Variants in FLYWCH1 observed in about 807,000 individuals in gnomAD.
The protein encoded by FLYWCH1 is FLYWCH-type zinc finger-containing protein 1.
A neutral mutation model predicts 66.4 loss-of-function variants in FLYWCH1; 75 were observed. The ratio of observed to expected loss-of-function variants is 1.13; its 90% CI spans 0.94 to 1.37. The LOEUF (loss-of-function observed/expected upper bound fraction) is 1.37, where lower values mean the gene tolerates loss of function less well. Ranked by LOEUF, FLYWCH1 falls within the 40% of genes most tolerant of loss-of-function variation. The probability of loss-of-function intolerance (pLI) is 0.00; values close to 1 mark genes in which losing one functional copy is unlikely to be tolerated. For synonymous variants in FLYWCH1, 595 were observed against 429.9 expected, an observed-to-expected ratio of 1.38 and a Z score of -4.75; for missense variants, 1,334 against 1,001.8, an observed-to-expected ratio of 1.33 and a Z score of -4.48.
At position 2,938,237 on chromosome 16, in the gene FLYWCH1, G is replaced by A. The variant is rs2071101246; in HGVS notation, c.1831G>A (p.Val611Met). 6.2e-7 allele frequency: 1 copy of A among 1,613,186 alleles called. No homozygotes were observed. The highest frequency in any genetic ancestry group is 8.5e-7 in the Non-Finnish European group (1 of 1,179,650). The change falls in exon 8 of 10, where the codon GTG becomes ATG. Residue 611 changes from valine to methionine, a missense_variant. Coordinates refer to ENST00000253928, the MANE Select transcript of FLYWCH1 (RefSeq NM_001308068.2). ...LRTSLGGRFL[V>M]HESFLYRKEK... Reference sequence around the variant, plus strand: ...GACTTCCCTGGGGGGCAGGTTCCTGGTGCACGAGTCCTTCCTCTACAGGAA... The same window carrying A: ...GACTTCCCTGGGGGGCAGGTTCCTGATGCACGAGTCCTTCCTCTACAGGAA...
chr16:2,931,955 A>G (rs1023576997), intron 4 of FLYWCH1, among the ~76,000 whole-genome samples: 1 of 152,050 alleles, frequency 6.6e-6, no homozygotes, highest in African/African-American at 2.4e-5. Context: ...CTACTAAAAA[A>G]ATACAAAAAA....
At chr16:2,934,184 C>G (rs924726834) in intron 6 of FLYWCH1, among the ~76,000 whole-genome samples, 1 of 152,166 alleles carries the variant, frequency 6.6e-6, no homozygotes, top group African/African-American at 2.4e-5. Context: ...TCAGCCCAGC[C>G]TCCCCCTTCC....
chr16:2,931,448 A>AC (rs1163283563), intron 4 of FLYWCH1, among the ~76,000 whole-genome samples: 2 of 151,618 alleles, frequency 1.3e-5, no homozygotes, highest in African/African-American at 4.9e-5. Context: ...ATATAGTGAG[A>AC]CCCCATATCT....
chr16:2,920,147 A>G (rs2070318814), intron 2 of FLYWCH1, among the ~76,000 whole-genome samples: 1 of 152,296 alleles, frequency 6.6e-6, no homozygotes, highest in African/African-American at 2.4e-5. Flanking sequence ...TATTTTTAGA[A>G]TATGATATTA....
intron 5 of FLYWCH1, 38 bp from the exon 6 acceptor site, chr16:2,933,678 C>G (rs758971204): frequency 1.1e-5 from 18 of 1,594,354 alleles, no homozygotes; most frequent in Non-Finnish European, 1.4e-5. Context: ...CTACCCAGCC[C>G]CTGTCCCCTC....
At chr16:2,936,507 A>G (rs1486804317) in intron 6 of FLYWCH1, 1 of 345,112 alleles carries the variant, frequency 2.9e-6, no homozygotes, top group African/African-American at 2.9e-5. Context: ...CCCTGCTTCC[A>G]CTGCCACCCG....
At chr16:2,922,968 G>A (rs559343348) in intron 2 of FLYWCH1, 42 of 521,520 alleles carry the variant, frequency 8.1e-5, no homozygotes, top group African/African-American at 5.4e-4. Flanking sequence ...CTCCGGAGTC[G>A]CAGTGTCTTG....
At chr16:2,930,113 C>G in intron 3 of FLYWCH1, 103 bp downstream of exon 3, 1 of 1,045,808 alleles carries the variant, frequency 9.6e-7, no homozygotes, top group Non-Finnish European at 1.4e-6. Flanking sequence ...GTCCTTGCTC[C>G]AAGCTCAGCC....
chr16:2,932,684 T>A (rs1160744639), intron 4 of FLYWCH1, among the ~76,000 whole-genome samples: 1 of 152,152 alleles, frequency 6.6e-6, no homozygotes, highest in African/African-American at 2.4e-5. Flanking sequence ...CCTTGTGTGT[T>A]TTATTCAAAA....
In FLYWCH1 at chr16:2,930,755, G is replaced by T; in HGVS notation, c.671G>T (p.Cys224Phe). The change falls in exon 4 of 10, where the codon TGC becomes TTC. Residue 224 changes from cysteine to phenylalanine, a missense_variant. Cys to Phe is a radical substitution (Grantham distance 205). Transcript: ENST00000253928. The stretch of plus-strand genomic sequence containing the variant: ...CTGGAGGGGGTGGGCCCGTGGCAGT[G>T]CCCTGAGGAGCCCGAGCCCACTCCT... ...EPLEGVGPWQCPEEPEPTPGL... is the reference protein window; with the variant it reads ...EPLEGVGPWQFPEEPEPTPGL... The T allele has an allele frequency of 1.3e-6, 2 of 1,570,012 alleles. No individual in the cohort carries two copies. Among genetic ancestry groups the T allele is most frequent in the South Asian group, 2.3e-5 (2 of 85,726 alleles).
chr16:2,937,645 T>C (rs117550116), intron 7 of FLYWCH1, among the ~76,000 whole-genome samples: 6,931 of 152,166 alleles, frequency 0.046, 237 homozygotes, highest in Middle Eastern at 0.092. Context: ...AGGGGTGGCA[T>C]TGGCAGCCAC....
intron 1 of FLYWCH1, among the ~76,000 whole-genome samples, chr16:2,913,975 G>A (rs997420883): frequency 1.6e-4 from 25 of 152,292 alleles, no homozygotes; most frequent in Middle Eastern, 3.4e-3. Flanking sequence ...CTCCCAAACT[G>A]CTGAGATGAC....
At chr16:2,928,151 C>T (rs2150939117) in intron 2 of FLYWCH1, among the ~76,000 whole-genome samples, 1 of 152,350 alleles carries the variant, frequency 6.6e-6, no homozygotes, top group East Asian at 1.9e-4. Flanking sequence ...TGCCTCCAGC[C>T]ACAGGGTGGT....
At chr16:2,927,064 A>G (rs1262033690) in intron 2 of FLYWCH1, among the ~76,000 whole-genome samples, 2 of 152,222 alleles carry the variant, frequency 1.3e-5, no homozygotes, top group African/African-American at 4.8e-5. Context: ...GAGCTTCAGT[A>G]TTGGCTGCCT....
At chr16:2,913,875 A>G (rs1443059361) in intron 1 of FLYWCH1, among the ~76,000 whole-genome samples, 3 of 141,266 alleles carry the variant, frequency 2.1e-5, no homozygotes, top group African/African-American at 5.2e-5. Context: ...AAATTTTTTT[A>G]GTAGAAATGG....
At chr16:2,917,456 T>A (rs2070211576) in intron 2 of FLYWCH1, among the ~76,000 whole-genome samples, 1 of 151,952 alleles carries the variant, frequency 6.6e-6, no homozygotes. Context: ...TTCGAACTCC[T>A]GACCTCAGGT....
Position 2,938,015 on chromosome 16 carries a change from T to A in FLYWCH1, c.1778-169T>A, listed in dbSNP as rs965936696. ...AGCCCTTGGAAAGGGCCAGCCAGCGTGGGAGTCTGGGCTGCAGGGCCCAGA... is the reference window on the plus strand; with the variant it reads ...AGCCCTTGGAAAGGGCCAGCCAGCGAGGGAGTCTGGGCTGCAGGGCCCAGA... On this transcript the variant is annotated intron_variant, in intron 7 of 9. Coordinates refer to ENST00000253928, the MANE Select transcript of FLYWCH1 (RefSeq NM_001308068.2). Among the ~76,000 whole-genome samples the A allele has an allele frequency of 4.6e-5, 7 of 152,096 alleles. No individual in the cohort carries two copies. In the South Asian group the frequency reaches 1.5e-3, roughly 32 times the overall value.
chr16:2,946,989 C>G (rs954532169), intron 9 of FLYWCH1, among the ~76,000 whole-genome samples: 1 of 152,150 alleles, frequency 6.6e-6, no homozygotes, highest in Non-Finnish European at 1.5e-5. Flanking sequence ...CAATTCCACT[C>G]CTAGGTATGT....
chr16:2,923,464 T>C (rs1173947230), intron 2 of FLYWCH1, among the ~76,000 whole-genome samples: 1 of 151,974 alleles, frequency 6.6e-6, no homozygotes, highest in Admixed American at 6.6e-5. Flanking sequence ...CAGGCTGGTC[T>C]CGAACTCCTG....
Sources: gnomAD v4.1 joint callset for allele counts (sites outside exome capture counted in the v4.1 genomes callset) on GRCh38, gnomAD v4.1.1 for gene constraint, MANE v1.5 for transcripts, NCBI Gene and HGNC (gene_info 2026-07-23, HGNC 2026-07-21) for gene names.